AUTS2: variants seen among roughly 807,000 people sequenced by gnomAD.
AUTS2 encodes the protein autism susceptibility gene 2 protein.
A neutral mutation model predicts 112.4 loss-of-function variants in AUTS2; 17 were observed. That is an observed-to-expected ratio of 0.15 (90% CI 0.10 to 0.23). AUTS2 has a LOEUF of 0.23. Ranked by LOEUF, AUTS2 falls within the 10% of genes least tolerant of loss-of-function variation. The pLI, the probability that AUTS2 is intolerant of heterozygous loss-of-function variation, is 1.00. For missense variants in AUTS2, 1,510 were observed against 1,701.6 expected, an observed-to-expected ratio of 0.89 and a Z score of 1.98; for synonymous variants, 751 against 702.7, an observed-to-expected ratio of 1.07 and a Z score of -1.09.
intron 4 of AUTS2, among the ~76,000 whole-genome samples, chr7:70,381,702 CAG>C (rs554213344): frequency 2.3e-3 from 351 of 152,168 alleles, no homozygotes; most frequent in Non-Finnish European, 4.2e-3. Flanking sequence ...CAAAGAAAAT[CAG>C]AGTCAGAATT....
At chr7:70,739,901 T>G (rs1475572938) in intron 6 of AUTS2, among the ~76,000 whole-genome samples, 1 of 152,012 alleles carries the variant, frequency 6.6e-6, no homozygotes, top group Non-Finnish European at 1.5e-5. Flanking sequence ...CAAGTCTACT[T>G]CCTCTTACAA....
Position 70,053,544 on chromosome 7 carries a change from G to GTTTTTTTTTT in AUTS2, c.523-64585_523-64576dup, listed in dbSNP as rs200867539. On this transcript the variant is annotated intron_variant, in intron 2 of 18. Transcript: ENST00000342771. ...ATTGTGGCAACCACTGTTTTGGGTG[G>GTTTTTTTTTT]TTTTTTTTTTTTGGAGACAGGATCT... Among the ~76,000 whole-genome samples the GTTTTTTTTTT allele has an allele frequency of 1.3e-4, 16 of 127,824 alleles. 1 individual carries two copies. Among genetic ancestry groups the GTTTTTTTTTT allele is most frequent in the East Asian group, 9.2e-4 (4 of 4,344 alleles). 83.9% of individuals were successfully genotyped at this position (127,824 alleles called of 152,430 possible).
chr7:70,355,214 C>T (rs1271179642), intron 4 of AUTS2, among the ~76,000 whole-genome samples: 1 of 151,806 alleles, frequency 6.6e-6, no homozygotes, highest in African/African-American at 2.4e-5. Flanking sequence ...AATTTCTGAC[C>T]CTTCCTCCCC....
intron 1 of AUTS2, among the ~76,000 whole-genome samples, chr7:69,685,158 A>ATGT (rs1241866777): frequency 6.6e-6 from 1 of 152,234 alleles, no homozygotes; most frequent in African/African-American, 2.4e-5. Context: ...AGGCAGCTCC[A>ATGT]TGTGGCTACA....
At chr7:70,561,996 A>G (rs1212100115) in intron 5 of AUTS2, among the ~76,000 whole-genome samples, 2 of 152,078 alleles carry the variant, frequency 1.3e-5, no homozygotes, top group Non-Finnish European at 2.9e-5. Context: ...TTCTCACTCT[A>G]CTAGTTCACA....
intron 5 of AUTS2, among the ~76,000 whole-genome samples, chr7:70,576,159 G>A (rs931036775): frequency 9.2e-5 from 14 of 152,042 alleles, no homozygotes; most frequent in African/African-American, 2.9e-4. Flanking sequence ...CCAAATTCTG[G>A]CCTAATCACC....
chr7:69,841,611 C>T (rs1426642523), intron 1 of AUTS2, among the ~76,000 whole-genome samples: 26 of 152,170 alleles, frequency 1.7e-4, no homozygotes, highest in Admixed American at 1.7e-3. Context: ...GGGTCATTCT[C>T]AAGAAAACTG....
chr7:70,229,094 T>C (rs760203291), intron 4 of AUTS2, among the ~76,000 whole-genome samples: 1 of 151,972 alleles, frequency 6.6e-6, no homozygotes, highest in African/African-American at 2.4e-5. Flanking sequence ...GTAGCTCTTT[T>C]TTAAATCGTT....
intron 1 of AUTS2, among the ~76,000 whole-genome samples, chr7:69,809,853 A>C (rs955222038): frequency 6.6e-6 from 1 of 152,200 alleles, no homozygotes; most frequent in African/African-American, 2.4e-5. Flanking sequence ...TACTGTCCTC[A>C]TCAGCTATTT....
intron 1 of AUTS2, among the ~76,000 whole-genome samples, chr7:69,848,733 CT>C (rs570088981): frequency 2.0e-5 from 3 of 152,290 alleles, no homozygotes; most frequent in Admixed American, 2.0e-4. Flanking sequence ...CCGCTTTCTC[CT>C]TTTTTTCTTA....
At chr7:70,656,526 T>C (rs1369057578) in intron 5 of AUTS2, among the ~76,000 whole-genome samples, 1 of 152,216 alleles carries the variant, frequency 6.6e-6, no homozygotes, top group African/African-American at 2.4e-5. Context: ...TCTGTAGAGA[T>C]TGATAGTTTA....
intron 1 of AUTS2, among the ~76,000 whole-genome samples, chr7:69,693,344 A>G (rs1237451357): frequency 2.0e-5 from 3 of 152,232 alleles, no homozygotes; most frequent in Non-Finnish European, 4.4e-5. Flanking sequence ...TAGTTGAGAT[A>G]CTTGGTGCCA....
intron 5 of AUTS2, among the ~76,000 whole-genome samples, chr7:70,534,829 G>A (rs1800247704): frequency 6.6e-6 from 1 of 152,022 alleles, no homozygotes; most frequent in South Asian, 2.1e-4. Context: ...TGGTGATTAT[G>A]GTGATGGCAG....
In AUTS2 at chr7:69,744,864, C is replaced by T. The variant is rs377382232; in HGVS notation, c.309+144902C>T. Among the ~76,000 whole-genome samples, 8 of 152,156 alleles carry T rather than the reference C, an allele frequency of 5.3e-5. No individual in the cohort carries two copies. The East Asian group carries it at 9.7e-4, about 18-fold the overall frequency. ...AAAGATAAAATATTGCTTAGAATTT[C>T]TATAAACAAGCTACACAAAAGCACT... On this transcript the variant is annotated intron_variant, in intron 1 of 18. Transcript: ENST00000342771.
chr7:70,700,065 C>T (rs1194650997), intron 6 of AUTS2, among the ~76,000 whole-genome samples: 2 of 152,352 alleles, frequency 1.3e-5, no homozygotes, highest in Admixed American at 1.3e-4. Flanking sequence ...GGCTCCAAGA[C>T]CTGCACTCTG....
intron 5 of AUTS2, among the ~76,000 whole-genome samples, chr7:70,621,207 C>T (rs529949171): frequency 7.9e-5 from 12 of 152,342 alleles, no homozygotes; most frequent in South Asian, 4.1e-4. Context: ...TGGCTTCTGC[C>T]GGGAGTGGGG....
intron 6 of AUTS2, among the ~76,000 whole-genome samples, chr7:70,704,913 T>C (rs747078663): frequency 6.6e-6 from 1 of 152,234 alleles, no homozygotes; most frequent in Non-Finnish European, 1.5e-5. Context: ...TTATTTAACA[T>C]TAACAGTAAT....
At chr7:69,890,234 T>C (rs917765119) in intron 1 of AUTS2, among the ~76,000 whole-genome samples, 1 of 152,096 alleles carries the variant, frequency 6.6e-6, no homozygotes, top group African/African-American at 2.4e-5. Flanking sequence ...TCCTGGGATG[T>C]TTTCAATTCA....
intron 1 of AUTS2, among the ~76,000 whole-genome samples, chr7:69,771,217 C>G (rs1174239814): frequency 6.6e-6 from 1 of 152,210 alleles, no homozygotes; most frequent in African/African-American, 2.4e-5. Flanking sequence ...TATGTGAACT[C>G]ACAGGTTTTT....
Sources: gnomAD v4.1 joint callset for allele counts (sites outside exome capture counted in the v4.1 genomes callset) on GRCh38, gnomAD v4.1.1 for gene constraint, MANE v1.5 for transcripts, NCBI Gene and HGNC (gene_info 2026-07-23, HGNC 2026-07-21) for gene names.